The following KLHL1 variants were observed in gnomAD, a reference collection of about 807,000 sequenced individuals.
KLHL1 encodes the protein kelch-like protein 1.
In KLHL1, 47 loss-of-function variants were observed where a neutral mutation model predicts 77.7. The ratio of observed to expected loss-of-function variants is 0.60; its 90% CI spans 0.48 to 0.77. KLHL1 has a LOEUF of 0.77. KLHL1 is among the 30% of genes least tolerant of loss of function. The pLI is 0.00. For synonymous variants in KLHL1, 360 were observed against 325.2 expected, an observed-to-expected ratio of 1.11 and a Z score of -1.15; for missense variants, 925 against 910.8, an observed-to-expected ratio of 1.02 and a Z score of -0.20.
At chr13:69,794,088 T>G (rs1252570079) in intron 7 of KLHL1, among the ~76,000 whole-genome samples, 2 of 152,112 alleles carry the variant, frequency 1.3e-5, no homozygotes, top group Non-Finnish European at 2.9e-5. Context: ...GTCATGAATA[T>G]TACCTTCTCA....
chr13:70,100,284 T>C (rs1197944091), intron 1 of KLHL1, among the ~76,000 whole-genome samples: 3 of 152,072 alleles, frequency 2.0e-5, no homozygotes, highest in Non-Finnish European at 4.4e-5. Context: ...TTATTAATAT[T>C]ATAACATGTA....
intron 1 of KLHL1, among the ~76,000 whole-genome samples, chr13:70,051,426 C>T (rs1268207714): frequency 6.6e-6 from 1 of 151,898 alleles, no homozygotes; most frequent in Non-Finnish European, 1.5e-5. Context: ...TTCTAGAGTT[C>T]TTTCTGCATA....
chr13:69,982,017 G>A (rs369073020), intron 1 of KLHL1, among the ~76,000 whole-genome samples: 15 of 152,088 alleles, frequency 9.9e-5, no homozygotes, highest in South Asian at 8.3e-4. Flanking sequence ...AGAATAAAGC[G>A]TACTGTGTTT....
chr13:69,776,433 C>T (rs145162982), intron 7 of KLHL1, among the ~76,000 whole-genome samples: 1 of 152,168 alleles, frequency 6.6e-6, no homozygotes, highest in Non-Finnish European at 1.5e-5. Flanking sequence ...ACTAATTAAT[C>T]TTTCTAGTTC....
chr13:69,957,232 TGA>T (rs1883917357), intron 3 of KLHL1, among the ~76,000 whole-genome samples: 2 of 151,746 alleles, frequency 1.3e-5, no homozygotes, highest in Non-Finnish European at 3.0e-5. Flanking sequence ...ACATCTAAAC[TGA>T]GAATGCCAAC....
At position 69,707,863 on chromosome 13, in the gene KLHL1, A is replaced by G. The variant is rs889561872; in HGVS notation, c.2016-67T>C. On this transcript the variant is annotated intron_variant, in intron 9 of 10. Coordinates refer to ENST00000377844, the MANE Select transcript of KLHL1 (RefSeq NM_020866.3). Reference sequence around the variant, plus strand: ...ATTCAACTTTTACTATAAAAATTTTACTTTTTACAAAGCCTGTCATGAAAA... The same window carrying G: ...ATTCAACTTTTACTATAAAAATTTTGCTTTTTACAAAGCCTGTCATGAAAA... 5.1e-6 allele frequency: 7 copies of G among 1,362,694 alleles called. No individual in the cohort carries two copies. The East Asian group carries it at 7.5e-5, about 15-fold the overall frequency. The allele number at this position is 1,362,694 out of a possible 1,614,324, so 84.4% of individuals were successfully genotyped here.
In KLHL1 at chr13:69,754,779, T is replaced by C. The variant is rs531142565; in HGVS notation, c.1640-14223A>G. Reference sequence around the variant, plus strand: ...TGGCCTTACACCATTGTTCGAGTCTTATTTTTGTTACATTTCTAAATCCTT... The same window carrying C: ...TGGCCTTACACCATTGTTCGAGTCTCATTTTTGTTACATTTCTAAATCCTT... On this transcript the variant is annotated intron_variant, in intron 7 of 10. Coordinates refer to ENST00000377844, the MANE Select transcript of KLHL1 (RefSeq NM_020866.3). 1.2e-3 allele frequency among the ~76,000 whole-genome samples: 181 copies of C among 152,296 alleles called. 1 individual carries two copies. Among genetic ancestry groups the C allele is most frequent in the African/African-American group, 4.2e-3 (174 of 41,578 alleles).
At chr13:69,950,728 T>G (rs992953308) in intron 3 of KLHL1, among the ~76,000 whole-genome samples, 1 of 151,688 alleles carries the variant, frequency 6.6e-6, no homozygotes, top group African/African-American at 2.4e-5. Flanking sequence ...ACTCTTGAAT[T>G]CGGCAGAGAT....
chr13:69,939,359 A>G (rs1883286776), intron 4 of KLHL1, among the ~76,000 whole-genome samples: 1 of 91,216 alleles, frequency 1.1e-5, no homozygotes, highest in African/African-American at 4.4e-5. Context: ...ATATATATAT[A>G]TATATATATA....
intron 7 of KLHL1, among the ~76,000 whole-genome samples, chr13:69,788,670 T>TGAAA (rs1555268539): frequency 0.014 from 2,179 of 151,614 alleles, 63 homozygotes; most frequent in African/African-American, 0.05. Flanking sequence ...ATAATAATAA[T>TGAAA]AGAAAATATA....
At chr13:69,872,257 TA>T (rs1880613225) in intron 5 of KLHL1, among the ~76,000 whole-genome samples, 1 of 152,060 alleles carries the variant, frequency 6.6e-6, no homozygotes, top group African/African-American at 2.4e-5. Flanking sequence ...TGTAAGTACA[TA>T]GGGGGGACTC....
chr13:70,003,941 T>C (rs1277530459), intron 1 of KLHL1, among the ~76,000 whole-genome samples: 1 of 151,758 alleles, frequency 6.6e-6, no homozygotes, highest in African/African-American at 2.4e-5. Flanking sequence ...CAAGAAGAGA[T>C]ATAACAAGGA....
chr13:70,063,429 C>T (rs1886936790), intron 1 of KLHL1, among the ~76,000 whole-genome samples: 1 of 152,078 alleles, frequency 6.6e-6, no homozygotes, highest in African/African-American at 2.4e-5. Context: ...CATCACATGG[C>T]TTCTGACTTG....
chr13:70,029,961 T>C lies in KLHL1; in HGVS notation c.498-54159A>G, dbSNP rs1163011750. Among the ~76,000 whole-genome samples, 19 of 152,252 alleles carry C rather than the reference T, an allele frequency of 1.2e-4. No homozygotes were observed. The East Asian group carries it at 2.9e-3, about 23-fold the overall frequency. On this transcript the variant is annotated intron_variant, in intron 1 of 10. Transcript: ENST00000377844. Reference sequence around the variant, plus strand: ...CAGGGGTTGCAATCCTAGTCTCTGATAAAACAGACTTTAAACTAACAAAGA... The same window carrying C: ...CAGGGGTTGCAATCCTAGTCTCTGACAAAACAGACTTTAAACTAACAAAGA...
intron 3 of KLHL1, among the ~76,000 whole-genome samples, chr13:69,951,919 C>A (rs1161918239): frequency 1.3e-5 from 2 of 151,382 alleles, no homozygotes; most frequent in African/African-American, 4.8e-5. Flanking sequence ...CATACAGATA[C>A]AGAATTTCTG....
intron 1 of KLHL1, among the ~76,000 whole-genome samples, chr13:70,037,651 A>G (rs1886272869): frequency 6.6e-6 from 1 of 151,796 alleles, no homozygotes; most frequent in East Asian, 1.9e-4. Flanking sequence ...TTAACCCTCC[A>G]TTCTCAGTTG....
intron 1 of KLHL1, among the ~76,000 whole-genome samples, chr13:70,059,855 G>T (rs1321998486): frequency 2.6e-5 from 4 of 152,130 alleles, no homozygotes; most frequent in Non-Finnish European, 2.9e-5. Flanking sequence ...AGGAGGTGCT[G>T]CACACTTTGA....
intron 7 of KLHL1, among the ~76,000 whole-genome samples, chr13:69,753,802 C>T (rs759468049): frequency 1.3e-5 from 2 of 151,816 alleles, no homozygotes; most frequent in Non-Finnish European, 2.9e-5. Context: ...AGCATCTTGA[C>T]ATTCCATGTT....
intron 8 of KLHL1, among the ~76,000 whole-genome samples, chr13:69,737,650 G>A (rs1396180799): frequency 3.9e-5 from 6 of 152,188 alleles, no homozygotes; most frequent in African/African-American, 1.4e-4. Flanking sequence ...CTTTAAGCAG[G>A]ACCCTGATCC....
Sources: gnomAD v4.1 joint callset for allele counts (sites outside exome capture counted in the v4.1 genomes callset) on GRCh38, gnomAD v4.1.1 for gene constraint, MANE v1.5 for transcripts, NCBI Gene and HGNC (gene_info 2026-07-23, HGNC 2026-07-21) for gene names.